The following ARG1 variants were observed in gnomAD, a reference collection of about 807,000 sequenced individuals.
ARG1 encodes arginase 1.
Under a neutral mutation model 33.0 loss-of-function variants are expected in ARG1, and 20 were observed. The observed-to-expected ratio is 0.61, with a 90% CI of 0.43 to 0.88. The LOEUF is 0.88. Among genes scored for constraint, ARG1 ranks in the 40% least tolerant of loss-of-function variants. The pLI, the probability that ARG1 is intolerant of heterozygous loss-of-function variation, is 0.00. For synonymous variants in ARG1, 146 were observed against 140.6 expected (o/e 1.04, Z -0.27); for missense variants, 374 against 384.7 (o/e 0.97, Z 0.23).
At chr6:131,579,422 AT>A in intron 3 of ARG1, 137 bp downstream of exon 3, 1 of 930,062 alleles carries the variant, frequency 1.1e-6, no homozygotes, top group Non-Finnish European at 1.6e-6. Flanking sequence ...CTTTAAAAAA[AT>A]TTTATAGGTT....
At position 131,583,998 on chromosome 6, in the gene ARG1, C is replaced by A. The variant is rs1774076591; in HGVS notation, c.*90C>A. ...AAGCATAGAGTTATCCTTCTAAAGA[C>A]TTGTTCTTTCAGAAAAATGTTTTTC... On this transcript the variant is annotated 3_prime_UTR_variant, in exon 8 of 8. Transcript: ENST00000368087. The A allele has an allele frequency of 6.3e-6, 9 of 1,426,982 alleles. No individual in the cohort carries two copies. The Admixed American group carries it at 1.2e-4, about 19-fold the overall frequency. The allele number at this position is 1,426,982 out of a possible 1,614,324, so 88.4% of individuals were successfully genotyped here.
intron 7 of ARG1, 48 bp downstream of exon 7, chr6:131,583,539 A>G: frequency 6.4e-7 from 1 of 1,566,844 alleles, no homozygotes; most frequent in Non-Finnish European, 8.6e-7. Context: ...CACTTGACTA[A>G]TATATATTTA....
At chr6:131,583,003 G>C in intron 5 of ARG1, 57 bp from the exon 6 acceptor site, 15 of 1,235,852 alleles carry the variant, frequency 1.2e-5, no homozygotes, top group Non-Finnish European at 1.7e-5. Context: ...CTTAAAAGGA[G>C]ACAGGCGGGC....
In ARG1 at chr6:131,584,004, C is replaced by T. The variant is rs1774076708; in HGVS notation, c.*96C>T. 8 of 1,402,638 alleles carry T rather than the reference C, an allele frequency of 5.7e-6. No individual in the cohort carries two copies. The East Asian group carries it at 1.7e-4, about 29-fold the overall frequency. The allele number at this position is 1,402,638 out of a possible 1,614,324, so 86.9% of individuals were successfully genotyped here. On this transcript the variant is annotated 3_prime_UTR_variant, in exon 8 of 8. Coordinates refer to ENST00000368087, the MANE Select transcript of ARG1 (RefSeq NM_000045.4). Reference sequence around the variant, plus strand: ...AGAGTTATCCTTCTAAAGACTTGTTCTTTCAGAAAAATGTTTTTCCAATTA... The same window carrying T: ...AGAGTTATCCTTCTAAAGACTTGTTTTTTCAGAAAAATGTTTTTCCAATTA...
chr6:131,576,487 A>G (rs943774985), intron 1 of ARG1, 176 bp from the exon 2 acceptor site: 50 of 633,374 alleles, frequency 7.9e-5, no homozygotes, highest in Middle Eastern at 7.7e-4. Context: ...TTGGCATAAA[A>G]GTCATTCAGT....
intron 1 of ARG1, 48 bp downstream of exon 1, chr6:131,573,387 T>G: frequency 6.3e-7 from 1 of 1,598,032 alleles, no homozygotes; most frequent in Non-Finnish European, 8.6e-7. Context: ...AGTTGAAAAT[T>G]TTGGACTTCA....
intron 1 of ARG1, 147 bp from the exon 2 acceptor site, chr6:131,576,516 T>C (rs1434621883): frequency 2.7e-6 from 2 of 743,132 alleles, no homozygotes; most frequent in East Asian, 5.4e-5. Flanking sequence ...CTGTGAAGAT[T>C]AAAAGAGATG....
At chr6:131,574,359 A>C in intron 1 of ARG1, 1 of 1,587,064 alleles carries the variant, frequency 6.3e-7, no homozygotes, top group Non-Finnish European at 8.7e-7. Flanking sequence ...CTGTCAGTAA[A>C]TACTACTTTG....
At position 131,584,070 on chromosome 6, in the gene ARG1, A is replaced by G. The variant is rs1372612653; in HGVS notation, c.*162A>G. On this transcript the variant is annotated 3_prime_UTR_variant, in exon 8 of 8. Transcript: ENST00000368087. The stretch of plus-strand genomic sequence containing the variant: ...ATTCCCTCTTGGTGTAAAATTCAAG[A>G]TGTGGAAATTCTAACTTTTTTGAAA... The G allele has an allele frequency of 3.7e-6, 3 of 814,550 alleles. No individual in the cohort carries two copies. The highest frequency in any genetic ancestry group is 3.7e-6 in the Non-Finnish European group (2 of 537,930). 50.5% of individuals were successfully genotyped at this position (814,550 alleles called of 1,614,324 possible).
chr6:131,583,441 G>A lies in ARG1; in HGVS notation c.752G>A (p.Gly251Asp), dbSNP rs1301274210. The change falls in exon 7 of 8, where the codon GGT becomes GAT. Residue 251 changes from glycine to aspartate, a missense_variant. Physicochemically the swap from Gly to Asp is moderately conservative, Grantham distance 94. Coordinates refer to ENST00000368087, the MANE Select transcript of ARG1 (RefSeq NM_000045.4). ...GCTACTGGCACACCAGTCGTGGGAG[G>A]TCTGACATACAGAGAAGGTCTCTAC... ...TPATGTPVVG[G>D]LTYREGLYIT... 1.2e-6 allele frequency: 2 copies of A among 1,613,982 alleles called. No homozygotes were observed. The highest frequency in any genetic ancestry group is 1.7e-6 in the Non-Finnish European group (2 of 1,180,000).
chr6:131,583,010 G>T, intron 5 of ARG1, 50 bp from the exon 6 acceptor site: 1 of 1,323,094 alleles, frequency 7.6e-7, no homozygotes, highest in South Asian at 1.2e-5. Flanking sequence ...GGAGACAGGC[G>T]GGCACAGTCA....
chr6:131,576,777 C>T (rs1489354128), intron 2 of ARG1, 42 bp downstream of exon 2: 4 of 1,546,854 alleles, frequency 2.6e-6, no homozygotes, highest in Non-Finnish European at 8.9e-7. Context: ...ATTTCCTCCC[C>T]ACTCTGAAGG....
chr6:131,581,487 A>C, intron 4 of ARG1, 109 bp downstream of exon 4: 800 of 1,273,462 alleles, frequency 6.3e-4, no homozygotes, highest in Non-Finnish European at 8.0e-4. Context: ...GTGTAATCTC[A>C]AATCATTTTC....
Position 131,583,809 on chromosome 6 carries a change from T to G in ARG1, c.870T>G (p.Thr290=), listed in dbSNP as rs1317961968. 6.2e-7 allele frequency: 1 copy of G among 1,614,114 alleles called. No homozygotes were observed. The highest frequency in any genetic ancestry group is 2.2e-5 in the East Asian group (1 of 44,852). The change falls in exon 8 of 8, where the codon ACT becomes ACG. Residue 290 remains threonine, a synonymous_variant. Coordinates refer to ENST00000368087, the MANE Select transcript of ARG1 (RefSeq NM_000045.4). ...PSLGKTPEEV[T]RTVNTAVAIT... ...TGGGGAAGACACCAGAAGAAGTAAC[T>G]CGAACAGTGAACACAGCAGTTGCAA...
intron 1 of ARG1, 45 bp from the exon 2 acceptor site, chr6:131,576,618 A>C: frequency 6.5e-7 from 1 of 1,546,022 alleles, no homozygotes; most frequent in Non-Finnish European, 8.9e-7. Context: ...TGAGCATCTG[A>C]TGGTCATGAT....
rs1313116151 is a variant in ARG1 at position 131,583,094 on chromosome 6, T to G, written c.595T>G (p.Ser199Ala). ...ILKTLGIKYF[S>A]MTEVDRLGIG... ...GAAAACTCTAGGCATTAAATACTTT[T>G]CAATGACTGAAGTGGACAGACTAGG... Residue 199 changes from serine (S) to alanine (A), a missense_variant, in exon 6 of 8, where the codon TCA becomes GCA. Coordinates refer to ENST00000368087, the MANE Select transcript of ARG1 (RefSeq NM_000045.4). 3 of 1,613,800 alleles carry G rather than the reference T, an allele frequency of 1.9e-6. No individual in the cohort carries two copies. The African/African-American group carries it at 4.0e-5, about 22-fold the overall frequency.
intron 2 of ARG1, 53 bp downstream of exon 2, chr6:131,576,788 A>T: frequency 6.7e-7 from 1 of 1,497,392 alleles, no homozygotes. Context: ...ACTCTGAAGG[A>T]AAGAGCAGGC....
rs544798219 is a variant in ARG1, at chr6:131,578,899, C to G, written c.131-212C>G. Among the ~76,000 whole-genome samples, 14 of 152,154 alleles carry G rather than the reference C, an allele frequency of 9.2e-5. No homozygotes were observed. The South Asian group carries it at 2.7e-3, about 29-fold the overall frequency. ...ATTCAAGAAGTGTTCACTGAGAGCC[C>G]AGTATACAGCCGCACCAGTGTGTGA... On this transcript the variant is annotated intron_variant, in intron 2 of 7. Coordinates refer to ENST00000368087, the MANE Select transcript of ARG1 (RefSeq NM_000045.4).
rs1585412249 is a variant in ARG1, at chr6:131,579,300, C to T, written c.305+15C>T. The T allele has an allele frequency of 6.2e-7, 1 of 1,613,622 alleles. No homozygotes were observed. The highest frequency in any genetic ancestry group is 2.2e-5 in the East Asian group (1 of 44,860). On this transcript the variant is annotated intron_variant, in intron 3 of 7. Transcript: ENST00000368087. ...GGAGACCACAGGTCTTGTTGAATAA[C>T]TGTGTCTATGGGAATCTGGCACAAA...
Sources: gnomAD v4.1 joint callset for allele counts (sites outside exome capture counted in the v4.1 genomes callset) on GRCh38, gnomAD v4.1.1 for gene constraint, MANE v1.5 for transcripts, NCBI Gene and HGNC (gene_info 2026-07-23, HGNC 2026-07-21) for gene names.